Variants in AGK observed in about 807,000 individuals in gnomAD.
AGK encodes acylglycerol kinase.
Under a neutral mutation model 66.4 loss-of-function variants are expected in AGK, and 52 were observed. The ratio of observed to expected loss-of-function variants is 0.78; its 90% CI spans 0.63 to 0.99. The LOEUF (loss-of-function observed/expected upper bound fraction) is 0.99, where lower values mean the gene tolerates loss of function less well. Ranked by LOEUF, AGK falls within the 50% of genes least tolerant of loss-of-function variation. AGK has a pLI of 0.00. For missense variants in AGK, 451 were observed against 506.6 expected, an observed-to-expected ratio of 0.89 and a Z score of 1.05; for synonymous variants, 182 against 181.1, an observed-to-expected ratio of 1.00 and a Z score of -0.04.
At chr7:141,631,334 G>T (rs1460342704) in intron 9 of AGK, among the ~76,000 whole-genome samples, 4 of 152,154 alleles carry the variant, frequency 2.6e-5, no homozygotes, top group Non-Finnish European at 5.9e-5. Context: ...TAAGTGACTT[G>T]CCTAGGATCA....
At position 141,598,264 on chromosome 7, in the gene AGK, C is replaced by T. The variant is rs557810117; in HGVS notation, c.221+1623C>T. ...CCGCTTCCCTCCCCCATAAACGCAC[C>T]AGTCATAATGCCTATTGATCATTTT... On this transcript the variant is annotated intron_variant, in intron 4 of 15. Coordinates refer to ENST00000649286, the MANE Select transcript of AGK (RefSeq NM_018238.4). The surrounding 1 kb of genome is among the most constrained non-coding windows in gnomAD (Gnocchi z 4.2). 6.6e-6 allele frequency among the ~76,000 whole-genome samples: 1 copy of T among 152,278 alleles called. No homozygotes were observed. Among genetic ancestry groups the T allele is most frequent in the South Asian group, 2.1e-4 (1 of 4,822 alleles).
At chr7:141,649,679 A>G (rs1481271444) in intron 14 of AGK, among the ~76,000 whole-genome samples, 1 of 152,246 alleles carries the variant, frequency 6.6e-6, no homozygotes, top group Non-Finnish European at 1.5e-5. Flanking sequence ...GACTCGGATC[A>G]TTTAGCATCT....
At chr7:141,582,335 C>T (rs1795899090) in intron 2 of AGK, among the ~76,000 whole-genome samples, 1 of 151,960 alleles carries the variant, frequency 6.6e-6, no homozygotes, top group Non-Finnish European at 1.5e-5. Context: ...GGAGATGTGG[C>T]TGGGGTTTCT....
At chr7:141,581,488 G>A (rs1795880262) in intron 2 of AGK, among the ~76,000 whole-genome samples, 1 of 151,926 alleles carries the variant, frequency 6.6e-6, no homozygotes, top group Non-Finnish European at 1.5e-5. Flanking sequence ...TGTAAGGAGA[G>A]TTTATAGGCT....
intron 5 of AGK, among the ~76,000 whole-genome samples, chr7:141,602,200 T>C (rs1796362951): frequency 6.6e-6 from 1 of 151,396 alleles, no homozygotes; most frequent in African/African-American, 2.4e-5. Flanking sequence ...TGTGTGTGTG[T>C]GTGTGTGTGT....
chr7:141,621,847 C>T (rs563040235), intron 9 of AGK, 46 bp downstream of exon 9: 11 of 1,359,092 alleles, frequency 8.1e-6, no homozygotes, highest in East Asian at 6.9e-5. Flanking sequence ...AAGTAATACT[C>T]GCTTACATGT....
chr7:141,652,753 G>A (rs147721686), intron 15 of AGK, 34 bp from the exon 16 acceptor site: 1 of 1,610,816 alleles, frequency 6.2e-7, no homozygotes, highest in East Asian at 2.2e-5. Flanking sequence ...CCACTGATGT[G>A]TTTGAGCTGT....
At chr7:141,553,384 A>G (rs1403021121) in intron 1 of AGK, among the ~76,000 whole-genome samples, 2 of 152,088 alleles carry the variant, frequency 1.3e-5, no homozygotes, top group African/African-American at 2.4e-5. Flanking sequence ...TTTCCTCCTC[A>G]TTATTCAAGG....
chr7:141,591,205 G>A (rs1442080830), intron 2 of AGK, among the ~76,000 whole-genome samples: 1 of 143,760 alleles, frequency 7.0e-6, no homozygotes, highest in East Asian at 2.2e-4. Context: ...CAATTCTCCT[G>A]CCTCAGCCTC....
chr7:141,636,767 T>C lies in AGK; in HGVS notation c.669-193T>C, dbSNP rs571709562. Reference sequence around the variant, plus strand: ...TACTGCGTAACTAATTACATATAACTTGACAAGGCATCAAAACGTGGATTT... The same window carrying C: ...TACTGCGTAACTAATTACATATAACCTGACAAGGCATCAAAACGTGGATTT... On this transcript the variant is annotated intron_variant, in intron 10 of 15. Transcript: ENST00000649286. Among the ~76,000 whole-genome samples the C allele has an allele frequency of 1.1e-4, 17 of 152,312 alleles. No individual in the cohort carries two copies. The South Asian group carries it at 3.3e-3, about 30-fold the overall frequency.
intron 2 of AGK, among the ~76,000 whole-genome samples, chr7:141,591,761 T>G (rs1310452106): frequency 1.3e-5 from 2 of 152,248 alleles, no homozygotes; most frequent in South Asian, 4.1e-4. Context: ...TTTCTTAACT[T>G]TTGTTAACCA....
intron 5 of AGK, among the ~76,000 whole-genome samples, chr7:141,607,832 G>T (rs35254636): frequency 2.6e-5 from 4 of 151,906 alleles, no homozygotes; most frequent in Non-Finnish European, 5.9e-5. Flanking sequence ...CTGGGAGGGG[G>T]CAACTGTTAG....
intron 5 of AGK, among the ~76,000 whole-genome samples, chr7:141,604,724 C>T (rs1314078282): frequency 6.6e-6 from 1 of 151,432 alleles, no homozygotes. Context: ...GCTAGGATTA[C>T]AGGTGCGTGC....
intron 2 of AGK, 25 bp from the exon 3 acceptor site, chr7:141,593,121 T>C: frequency 6.2e-7 from 1 of 1,603,878 alleles, no homozygotes; most frequent in Non-Finnish European, 8.5e-7. Context: ...AGCTAATGAT[T>C]ATTCTCTTTT....
At chr7:141,579,882 G>T (rs1205614908) in intron 2 of AGK, among the ~76,000 whole-genome samples, 1 of 151,964 alleles carries the variant, frequency 6.6e-6, no homozygotes, top group African/African-American at 2.4e-5. Flanking sequence ...TTCAGTAGGG[G>T]AGTAGGTGGG....
chr7:141,596,697 A>G, intron 4 of AGK, 56 bp downstream of exon 4: 1 of 1,464,954 alleles, frequency 6.8e-7, no homozygotes, highest in South Asian at 1.1e-5. Flanking sequence ...GAAAGAAATC[A>G]CAGACTATCA....
At chr7:141,570,932 A>T (rs935613414) in intron 2 of AGK, among the ~76,000 whole-genome samples, 17 of 152,152 alleles carry the variant, frequency 1.1e-4, no homozygotes, top group African/African-American at 4.1e-4. Flanking sequence ...TAATATTTAC[A>T]TGTTTTAGAA....
chr7:141,568,015 G>C (rs1019600730), intron 2 of AGK, among the ~76,000 whole-genome samples: 6 of 152,162 alleles, frequency 3.9e-5, no homozygotes, highest in African/African-American at 1.4e-4. Flanking sequence ...AGATTTAAGG[G>C]TTGAATAAAT....
intron 7 of AGK, 103 bp downstream of exon 7, chr7:141,614,281 G>A: frequency 2.5e-6 from 2 of 810,930 alleles, no homozygotes; most frequent in Non-Finnish European, 3.7e-6. Flanking sequence ...TTTAAAACGG[G>A]TACAAATTGT....
Sources: allele counts gnomAD v4.1 joint callset (sites outside exome capture counted in the v4.1 genomes callset), GRCh38; gene constraint gnomAD v4.1.1; non-coding constraint Gnocchi (gnomAD v3.1); transcripts MANE v1.5; gene names NCBI Gene and HGNC (gene_info 2026-07-23, HGNC 2026-07-21).